The following FOXP1 variants were observed in gnomAD, a reference collection of about 807,000 sequenced individuals.
The protein encoded by FOXP1 is forkhead box protein P1.
FOXP1 carries 15 observed loss-of-function variants against 98.2 expected under a neutral mutation model. That is an observed-to-expected ratio of 0.15 (90% CI 0.10 to 0.24). FOXP1 has a LOEUF of 0.24. FOXP1 is among the 10% of genes least tolerant of loss of function. FOXP1 has a pLI of 1.00. For missense variants in FOXP1, 633 were observed against 848.5 expected (o/e 0.75, Z 3.15); for synonymous variants, 371 against 314.5 (o/e 1.18, Z -1.90).
chr3:71,226,759 C>T (rs747185029), intron 5 of FOXP1, among the ~76,000 whole-genome samples: 35 of 152,052 alleles, frequency 2.3e-4, no homozygotes, highest in Non-Finnish European at 4.9e-4. Context: ...ATCTCACATC[C>T]TGTCTCGCTG....
At chr3:71,500,838 T>A (rs1351788152) in intron 2 of FOXP1, among the ~76,000 whole-genome samples, 2 of 152,168 alleles carry the variant, frequency 1.3e-5, no homozygotes, top group African/African-American at 4.8e-5. Context: ...AACCTTTCTA[T>A]TCATAGTCAC....
chr3:71,024,351 C>T (rs1300206886), intron 11 of FOXP1, among the ~76,000 whole-genome samples: 1 of 152,162 alleles, frequency 6.6e-6, no homozygotes, highest in Non-Finnish European at 1.5e-5. Flanking sequence ...TAGCACACTG[C>T]CTTAATTTTC....
intron 11 of FOXP1, among the ~76,000 whole-genome samples, chr3:71,020,730 C>G (rs1468203128): frequency 3.3e-5 from 5 of 152,176 alleles, no homozygotes; most frequent in Non-Finnish European, 7.4e-5. Context: ...CGAGCTTTTC[C>G]TGTGCACTGA....
intron 4 of FOXP1, among the ~76,000 whole-genome samples, chr3:71,357,125 T>C (rs111385059): frequency 3.7e-4 from 56 of 152,320 alleles, no homozygotes; most frequent in African/African-American, 1.3e-3. Flanking sequence ...CTGTCAGCAA[T>C]GTCCCCTGCC....
chr3:71,146,702 TA>T (rs1417687170), intron 6 of FOXP1, among the ~76,000 whole-genome samples: 1 of 151,548 alleles, frequency 6.6e-6, no homozygotes, highest in Non-Finnish European at 1.5e-5. Context: ...TTAAAACGTG[TA>T]AAAATATCAA....
intron 3 of FOXP1, among the ~76,000 whole-genome samples, chr3:71,492,401 G>A (rs546376116): frequency 5.3e-5 from 8 of 151,164 alleles, no homozygotes; most frequent in African/African-American, 1.7e-4. Flanking sequence ...GCAGTGAGCC[G>A]AGATCGCGCC....
intron 6 of FOXP1, among the ~76,000 whole-genome samples, chr3:71,164,855 C>T (rs1451629281): frequency 6.6e-6 from 1 of 152,166 alleles, no homozygotes; most frequent in African/African-American, 2.4e-5. Context: ...CCAATGTCCC[C>T]CCTCTTCCTA....
At chr3:70,980,818 C>CA (rs1205396975) in intron 14 of FOXP1, among the ~76,000 whole-genome samples, 1 of 152,174 alleles carries the variant, frequency 6.6e-6, no homozygotes, top group African/African-American at 2.4e-5. Context: ...CAAACACATA[C>CA]GTCAGTCAAA....
At chr3:71,083,787 T>C (rs187052079) in intron 7 of FOXP1, among the ~76,000 whole-genome samples, 1 of 152,330 alleles carries the variant, frequency 6.6e-6, no homozygotes, top group African/African-American at 2.4e-5. Context: ...GGCTAACCCT[T>C]GAACTTTTAA....
intron 3 of FOXP1, among the ~76,000 whole-genome samples, chr3:71,460,295 A>G (rs762977379): frequency 2.0e-5 from 3 of 152,060 alleles, no homozygotes; most frequent in Non-Finnish European, 4.4e-5. Flanking sequence ...GCTGGAATGC[A>G]GTGGCGTGAT....
intron 6 of FOXP1, among the ~76,000 whole-genome samples, chr3:71,187,572 A>C (rs1387809197): frequency 6.6e-6 from 1 of 152,218 alleles, no homozygotes; most frequent in East Asian, 1.9e-4. Flanking sequence ...GACAAGAGTG[A>C]AACTCCATCT....
intron 11 of FOXP1, among the ~76,000 whole-genome samples, chr3:71,034,546 A>G (rs1219925611): frequency 6.6e-6 from 1 of 152,210 alleles, no homozygotes; most frequent in African/African-American, 2.4e-5. Flanking sequence ...AAAAATAAAA[A>G]TAAAAAATAA....
At chr3:71,502,209 G>A (rs983914651) in intron 2 of FOXP1, among the ~76,000 whole-genome samples, 2 of 152,166 alleles carry the variant, frequency 1.3e-5, no homozygotes, top group South Asian at 2.1e-4. Flanking sequence ...ACTGGGTCTA[G>A]CTAACTGAGC....
At chr3:71,075,736 A>G (rs866300184) in intron 7 of FOXP1, among the ~76,000 whole-genome samples, 5 of 150,986 alleles carry the variant, frequency 3.3e-5, no homozygotes, top group African/African-American at 1.2e-4. Context: ...TTTTAAACAA[A>G]TAGGGTCTAA....
chr3:71,502,630 C>G (rs1166759365), intron 2 of FOXP1, among the ~76,000 whole-genome samples: 6 of 152,104 alleles, frequency 3.9e-5, no homozygotes, highest in African/African-American at 1.4e-4. Context: ...TGCCGGTAAC[C>G]AAGGCTCTCT....
At chr3:71,199,049 G>C (rs1368025773) in intron 5 of FOXP1, among the ~76,000 whole-genome samples, 4 of 151,572 alleles carry the variant, frequency 2.6e-5, no homozygotes, top group South Asian at 4.1e-4. Flanking sequence ...TCATCCTATA[G>C]AGCATATTAG....
intron 3 of FOXP1, among the ~76,000 whole-genome samples, chr3:71,372,918 C>A (rs2079447612): frequency 6.6e-6 from 1 of 152,136 alleles, no homozygotes; most frequent in South Asian, 2.1e-4. Flanking sequence ...TTGAGAGGCC[C>A]ACCTTGCCCC....
chr3:71,408,123 T>C (rs1236516750), intron 3 of FOXP1, among the ~76,000 whole-genome samples: 1 of 152,232 alleles, frequency 6.6e-6, no homozygotes, highest in Non-Finnish European at 1.5e-5. Flanking sequence ...GTTAAGGGTC[T>C]GACAACGTCC....
intron 11 of FOXP1, among the ~76,000 whole-genome samples, chr3:71,029,515 T>C (rs1224187925): frequency 2.0e-5 from 3 of 152,054 alleles, no homozygotes; most frequent in Non-Finnish European, 4.4e-5. Context: ...CTCAGTCTCC[T>C]GAGTAGCTGG....
Sources: allele counts gnomAD v4.1 joint callset (sites outside exome capture counted in the v4.1 genomes callset), GRCh38; gene constraint gnomAD v4.1.1; transcripts MANE v1.5; gene names NCBI Gene and HGNC (gene_info 2026-07-23, HGNC 2026-07-21).